DSCAML1: variants seen among roughly 807,000 people sequenced by gnomAD.
DSCAML1 encodes the protein cell adhesion molecule DSCAML1.
In DSCAML1, 38 loss-of-function variants were observed where a neutral mutation model predicts 200.5. That is an observed-to-expected ratio of 0.19 (90% confidence interval 0.15 to 0.25). DSCAML1 has a LOEUF of 0.25. Ranked by LOEUF, DSCAML1 falls within the 10% of genes least tolerant of loss-of-function variation. DSCAML1 has a pLI of 1.00. For missense variants in DSCAML1, 2,223 were observed against 2,858.8 expected, an observed-to-expected ratio of 0.78 and a Z score of 5.07; for synonymous variants, 1,215 against 1,165.0, an observed-to-expected ratio of 1.04 and a Z score of -0.87.
chr11:117,756,366 C>A (rs2054693320), intron 3 of DSCAML1, among the ~76,000 whole-genome samples: 1 of 152,088 alleles, frequency 6.6e-6, no homozygotes, highest in African/African-American at 2.4e-5. Flanking sequence ...AGGAAGAAGG[C>A]TGAGGAAACA....
At chr11:117,579,838 C>T (rs923418368) in intron 3 of DSCAML1, among the ~76,000 whole-genome samples, 14 of 152,066 alleles carry the variant, frequency 9.2e-5, no homozygotes, top group South Asian at 2.1e-4. Flanking sequence ...CCTTCTAGTT[C>T]TAGAGGTATA....
intron 3 of DSCAML1, among the ~76,000 whole-genome samples, chr11:117,602,738 A>G (rs924034768): frequency 6.6e-6 from 1 of 151,978 alleles, no homozygotes; most frequent in African/African-American, 2.4e-5. Flanking sequence ...TGTACTGTTG[A>G]TTGGTTGCCA....
intron 3 of DSCAML1, among the ~76,000 whole-genome samples, chr11:117,674,320 C>A (rs1240136950): frequency 6.6e-6 from 1 of 152,088 alleles, no homozygotes; most frequent in African/African-American, 2.4e-5. Context: ...TAGGTGGACA[C>A]TGGGGTGGAG....
chr11:117,795,702 A>G (rs1290274327), intron 1 of DSCAML1, among the ~76,000 whole-genome samples: 1 of 152,134 alleles, frequency 6.6e-6, no homozygotes, highest in African/African-American at 2.4e-5. Flanking sequence ...TTGACCCGGC[A>G]GTATCTACAA....
At chr11:117,488,940 A>G (rs779164657) in intron 11 of DSCAML1, among the ~76,000 whole-genome samples, 2 of 152,230 alleles carry the variant, frequency 1.3e-5, no homozygotes, top group South Asian at 4.1e-4. Context: ...GGCCTCCCGC[A>G]TGCCCAGGTT....
At chr11:117,793,730 TC>T (rs928741409) in intron 1 of DSCAML1, among the ~76,000 whole-genome samples, 2 of 152,156 alleles carry the variant, frequency 1.3e-5, no homozygotes, top group African/African-American at 4.8e-5. Context: ...CTCTGTCCAG[TC>T]CCCCGGGATC....
chr11:117,729,435 T>C (rs1260441569), intron 3 of DSCAML1, among the ~76,000 whole-genome samples: 1 of 152,108 alleles, frequency 6.6e-6, no homozygotes, highest in African/African-American at 2.4e-5. Context: ...GATTCCATCA[T>C]AATAAAATGT....
At chr11:117,602,024 A>G (rs969751632) in intron 3 of DSCAML1, among the ~76,000 whole-genome samples, 6 of 152,256 alleles carry the variant, frequency 3.9e-5, no homozygotes, top group African/African-American at 1.4e-4. Context: ...TAATGAGGCC[A>G]TGAACCTGCA....
intron 1 of DSCAML1, among the ~76,000 whole-genome samples, chr11:117,788,514 A>T (rs1358323571): frequency 3.3e-5 from 5 of 151,864 alleles, no homozygotes; most frequent in Non-Finnish European, 5.9e-5. Flanking sequence ...TTTAGTAGAG[A>T]TGGGGTTTCG....
chr11:117,589,402 C>T (rs1043273532), intron 3 of DSCAML1, among the ~76,000 whole-genome samples: 13 of 152,148 alleles, frequency 8.5e-5, no homozygotes, highest in Non-Finnish European at 1.5e-4. Context: ...GCAGGCGGAA[C>T]ACCCCCCTCC....
intron 23 of DSCAML1, 120 bp downstream of exon 23, chr11:117,439,146 A>G: frequency 5.6e-6 from 8 of 1,434,736 alleles, no homozygotes; most frequent in Non-Finnish European, 7.6e-6. Context: ...CTGTTTCTCC[A>G]GAGGTCTGTC....
At chr11:117,772,299 G>A (rs1252564118) in intron 3 of DSCAML1, among the ~76,000 whole-genome samples, 2 of 152,300 alleles carry the variant, frequency 1.3e-5, no homozygotes, top group East Asian at 3.9e-4. Flanking sequence ...AGGAAGCACT[G>A]CCTGATAGGA....
chr11:117,524,956 A>G lies in DSCAML1; in HGVS notation c.786T>C (p.Asp262=), dbSNP rs917165598. 1 of 1,613,290 alleles carries G rather than the reference A, an allele frequency of 6.2e-7. No individual in the cohort carries two copies. Among genetic ancestry groups the G allele is most frequent in the Non-Finnish European group, 8.5e-7 (1 of 1,179,822 alleles). The change falls in exon 5 of 33, where the codon GAT becomes GAC. Residue 262 remains aspartate, a synonymous_variant. Transcript: ENST00000651296. ...YPIPAIRWLK[D]GRPLPADSRW... ...GGCTGTCAGCCGGGAGGGGCCGGCC[A>G]TCCTTGAGCCAGCGGATGGCGGGGA...
rs531007789 is a variant in DSCAML1, at chr11:117,672,208, G to A, written c.511+104583C>T. ...GCTCGGGAGGTTGGATTCTTCCAATGGAGCCAGCAGGTTACTGTGGAAGCA... is the reference window on the plus strand; with the variant it reads ...GCTCGGGAGGTTGGATTCTTCCAATAGAGCCAGCAGGTTACTGTGGAAGCA... On this transcript the variant is annotated intron_variant, in intron 3 of 32. Transcript: ENST00000651296. Among the ~76,000 whole-genome samples, 37 of 152,030 alleles carry A rather than the reference G, an allele frequency of 2.4e-4. No homozygotes were observed. In the South Asian group the frequency reaches 7.5e-3, roughly 31 times the overall value.
chr11:117,443,164 G>A lies in DSCAML1; in HGVS notation c.3862+722C>T, dbSNP rs139700606. Among the ~76,000 whole-genome samples, 377 of 152,332 alleles carry A rather than the reference G, an allele frequency of 2.5e-3. 4 individuals are homozygous for A. The highest frequency in any genetic ancestry group is 8.5e-3 in the African/African-American group (355 of 41,570). ...CCAGGGAGGCCCAACGGCAAGTAGA[G>A]GACCTGCGGTCCTGGGCTAGTTGTG... On this transcript the variant is annotated intron_variant, in intron 21 of 32. Transcript: ENST00000651296.
chr11:117,728,249 C>G (rs1013991587), intron 3 of DSCAML1, among the ~76,000 whole-genome samples: 12 of 152,192 alleles, frequency 7.9e-5, no homozygotes, highest in African/African-American at 2.9e-4. Context: ...GACAAAAACA[C>G]TCAACATAAT....
intron 3 of DSCAML1, among the ~76,000 whole-genome samples, chr11:117,734,596 C>T (rs2054286381): frequency 6.6e-6 from 1 of 152,184 alleles, no homozygotes; most frequent in African/African-American, 2.4e-5. Context: ...ATCCCTGCAC[C>T]CCCATTCTCT....
At chr11:117,810,602 T>G (rs1046856251) in intron 1 of DSCAML1, among the ~76,000 whole-genome samples, 7 of 152,122 alleles carry the variant, frequency 4.6e-5, no homozygotes, top group Non-Finnish European at 7.4e-5. Context: ...GCCTGTATCC[T>G]TAAGAACTTA....
chr11:117,685,502 C>T (rs1369914325), intron 3 of DSCAML1, among the ~76,000 whole-genome samples: 1 of 152,120 alleles, frequency 6.6e-6, no homozygotes, highest in Non-Finnish European at 1.5e-5. Flanking sequence ...CACATATGCC[C>T]CCAGGGGCAG....
Sources: allele counts gnomAD v4.1 joint callset (sites outside exome capture counted in the v4.1 genomes callset), GRCh38; gene constraint gnomAD v4.1.1; transcripts MANE v1.5; gene names NCBI Gene and HGNC (gene_info 2026-07-23, HGNC 2026-07-21).